LRPPRC: variants seen among roughly 807,000 people sequenced by gnomAD.
LRPPRC encodes the protein leucine rich pentatricopeptide repeat containing, also known as leucine-rich PPR motif-containing protein, mitochondrial.
A neutral mutation model predicts 180.3 loss-of-function variants in LRPPRC; 120 were observed. The ratio of observed to expected loss-of-function variants is 0.67; its 90% CI spans 0.57 to 0.77. The LOEUF (loss-of-function observed/expected upper bound fraction) is 0.77. Among genes scored for constraint, LRPPRC ranks in the 30% least tolerant of loss-of-function variants. The pLI, the probability that LRPPRC is intolerant of heterozygous loss-of-function variation, is 0.00. For synonymous variants in LRPPRC, 723 were observed against 600.0 expected (o/e 1.21, Z -3.00); for missense variants, 2,012 against 1,657.2 (o/e 1.21, Z -3.72).
chr2:43,950,962 C>T (rs1024182137), intron 14 of LRPPRC, among the ~76,000 whole-genome samples: 34 of 152,110 alleles, frequency 2.2e-4, no homozygotes, highest in Non-Finnish European at 1.0e-4. Flanking sequence ...CCAGGCTACT[C>T]GGGAGGCTGA....
rs1040777027 is a variant in LRPPRC at position 43,888,458 on chromosome 2, G to A, written c.*142C>T. 6 of 627,754 alleles carry A rather than the reference G, an allele frequency of 9.6e-6. No individual in the cohort carries two copies. Among genetic ancestry groups the A allele is most frequent in the Admixed American group, 2.4e-5 (1 of 42,170 alleles). The allele number at this position is 627,754 out of a possible 1,614,324, so 38.9% of individuals were successfully genotyped here. A position where few individuals can be genotyped will look rare whatever the true frequency, so the allele number is the denominator to read the frequency against. On this transcript the variant is annotated 3_prime_UTR_variant, in exon 38 of 38. Transcript: ENST00000260665. Reference sequence around the variant, plus strand: ...CAATAACCAAGTGCACAGAGTTATGGTCAATAAGACTTTGAACATGCATCA... The same window carrying A: ...CAATAACCAAGTGCACAGAGTTATGATCAATAAGACTTTGAACATGCATCA...
chr2:43,995,648 G>C, intron 1 of LRPPRC, 151 bp downstream of exon 1: 1 of 715,406 alleles, frequency 1.4e-6, no homozygotes, highest in Non-Finnish European at 2.0e-6. Flanking sequence ...AAAACCCCTG[G>C]TAGGGAGCGT....
At chr2:43,934,900 A>G (rs768796709) in intron 23 of LRPPRC, 22 bp from the exon 24 acceptor site, 3 of 1,606,284 alleles carry the variant, frequency 1.9e-6, no homozygotes, top group Non-Finnish European at 2.6e-6. Flanking sequence ...AAAAATTAGC[A>G]ATGAATAAAA....
chr2:43,906,158 T>G (rs1329345798), intron 30 of LRPPRC, among the ~76,000 whole-genome samples: 1 of 152,188 alleles, frequency 6.6e-6, no homozygotes, highest in East Asian at 1.9e-4. Context: ...TTATAAAATG[T>G]AAAAATCTTC....
At chr2:43,915,972 C>T (rs1023908638) in intron 29 of LRPPRC, among the ~76,000 whole-genome samples, 5 of 152,050 alleles carry the variant, frequency 3.3e-5, no homozygotes, top group African/African-American at 7.3e-5. Context: ...CACTAAGTTG[C>T]CAGGCAGGTC....
intron 6 of LRPPRC, among the ~76,000 whole-genome samples, chr2:43,975,910 AAAAG>A (rs1674035000): frequency 6.6e-6 from 1 of 152,178 alleles, no homozygotes; most frequent in Non-Finnish European, 1.5e-5. Flanking sequence ...AAATTCAAAT[AAAAG>A]AAAGATTTGT....
intron 14 of LRPPRC, among the ~76,000 whole-genome samples, chr2:43,953,044 A>G (rs1052726612): frequency 1.3e-5 from 2 of 152,124 alleles, no homozygotes; most frequent in African/African-American, 4.8e-5. Context: ...CTACCAATCT[A>G]CTTACACTTC....
chr2:43,966,230 TTA>T (rs1019191173), intron 11 of LRPPRC, among the ~76,000 whole-genome samples: 4 of 151,974 alleles, frequency 2.6e-5, no homozygotes, highest in Admixed American at 2.0e-4. Context: ...ATCATCTCAC[TTA>T]TATATGGAAT....
At chr2:43,953,052 T>A (rs1283590170) in intron 14 of LRPPRC, among the ~76,000 whole-genome samples, 1 of 152,208 alleles carries the variant, frequency 6.6e-6, no homozygotes, top group Non-Finnish European at 1.5e-5. Context: ...CTACTTACAC[T>A]TCCCCAGAAC....
intron 11 of LRPPRC, among the ~76,000 whole-genome samples, chr2:43,969,936 A>G (rs547788334): frequency 1.3e-5 from 2 of 152,166 alleles, no homozygotes; most frequent in Non-Finnish European, 2.9e-5. Context: ...TCAGCCTCCC[A>G]AAGTGTTGGG....
At chr2:43,975,727 C>A (rs992210788) in intron 6 of LRPPRC, among the ~76,000 whole-genome samples, 9 of 151,996 alleles carry the variant, frequency 5.9e-5, no homozygotes, top group African/African-American at 1.9e-4. Context: ...GGATTACAGG[C>A]ACCTGCCATC....
chr2:43,902,948 C>G (rs1670941982), intron 31 of LRPPRC: 1 of 152,160 alleles, frequency 6.6e-6, no homozygotes, highest in Non-Finnish European at 1.5e-5. Flanking sequence ...CACAACTACC[C>G]TTCCGAGACA....
At position 43,918,265 on chromosome 2, in the gene LRPPRC, G is replaced by C; in HGVS notation, c.3030C>G (p.Asp1010Glu). ...TGCCAAAAACAATTACCTCAGGTACGTCAAACGGAACTTCCTGGTTACCCT... is the reference window on the plus strand; with the variant it reads ...TGCCAAAAACAATTACCTCAGGTACCTCAAACGGAACTTCCTGGTTACCCT... Reference protein sequence around the residue: ...LREGNQEVPFDVPELWYEDEK... With the variant: ...LREGNQEVPFEVPELWYEDEK... Residue 1010 changes from aspartate to glutamate, a missense_variant, in exon 28 of 38, where the codon GAC becomes GAG. Coordinates refer to ENST00000260665, the MANE Select transcript of LRPPRC (RefSeq NM_133259.4). 6.2e-7 allele frequency: 1 copy of C among 1,613,038 alleles called. No individual in the cohort carries two copies. The highest frequency in any genetic ancestry group is 8.5e-7 in the Non-Finnish European group (1 of 1,179,118).
chr2:43,971,958 G>A (rs1486511451), intron 11 of LRPPRC, among the ~76,000 whole-genome samples: 1 of 151,330 alleles, frequency 6.6e-6, no homozygotes, highest in African/African-American at 2.4e-5. Context: ...TATTTTTTCA[G>A]ACAAAACCTT....
chr2:43,899,803 G>A (rs185919285), intron 32 of LRPPRC, among the ~76,000 whole-genome samples, 198 bp from the exon 33 acceptor site: 97 of 152,254 alleles, frequency 6.4e-4, no homozygotes, highest in Admixed American at 6.0e-3. Context: ...TTCACTAGCT[G>A]GTTCGTGCTG....
At chr2:43,889,402 T>C (rs1420458440) in intron 37 of LRPPRC, among the ~76,000 whole-genome samples, 2 of 150,142 alleles carry the variant, frequency 1.3e-5, no homozygotes, top group African/African-American at 4.9e-5. Context: ...TAATTACCAC[T>C]GACATAATAT....
chr2:43,913,180 AAC>A (rs1671324872), intron 29 of LRPPRC, among the ~76,000 whole-genome samples: 1 of 152,232 alleles, frequency 6.6e-6, no homozygotes, highest in South Asian at 2.1e-4. Flanking sequence ...TTGACTGATT[AAC>A]AGTTTTATTT....
At chr2:43,907,425 A>C (rs1558915932) in intron 30 of LRPPRC, among the ~76,000 whole-genome samples, 1 of 152,180 alleles carries the variant, frequency 6.6e-6, no homozygotes, top group Admixed American at 6.5e-5. Context: ...AAAAGACATT[A>C]ACTTTTCACA....
chr2:43,902,698 G>A (rs1670931003), intron 31 of LRPPRC: 3 of 151,984 alleles, frequency 2.0e-5, no homozygotes, highest in Admixed American at 2.0e-4. Context: ...AACAAAAAAT[G>A]TTTTTATACT....
Sources: gnomAD v4.1 joint callset for allele counts (sites outside exome capture counted in the v4.1 genomes callset) on GRCh38, gnomAD v4.1.1 for gene constraint, MANE v1.5 for transcripts, NCBI Gene and HGNC (gene_info 2026-07-23, HGNC 2026-07-21) for gene names.